UBQLN3: variants seen among roughly 807,000 people sequenced by gnomAD.
UBQLN3 encodes ubiquilin-3.
Under a neutral mutation model 2.9 loss-of-function variants are expected in UBQLN3, and 1 was observed. The ratio of observed to expected loss-of-function variants is 0.35; its 90% CI spans 0.12 to 1.66. The LOEUF (loss-of-function observed/expected upper bound fraction) is 1.66. Among genes scored for constraint, UBQLN3 ranks in the 40% most tolerant of loss-of-function variants. The probability of loss-of-function intolerance (pLI) is 0.35; values close to 1 mark genes in which losing one functional copy is unlikely to be tolerated. For missense variants in UBQLN3, 924 were observed against 816.5 expected (o/e 1.13, Z -1.61); for synonymous variants, 358 against 317.6 (o/e 1.13, Z -1.35).
rs998972912 is a variant in UBQLN3, at chr11:5,508,406, G to A, written c.1153C>T (p.Pro385Ser). ...CCTGACCCAGGCTCCTGAGATGAGG[G>A]TGACGATGGGGGAACTCTGTTTACT... is the stretch of plus-strand genomic sequence containing the variant. ...PSVNRVPPSS[P>S]SSQEPGSGQP... is the part of the protein sequence containing the mutation. Residue 385 changes from proline (P) to serine (S), a missense_variant, in exon 2 of 2, where the codon CCC (proline) becomes TCC (serine). Physicochemically the swap from Pro to Ser is moderately conservative, Grantham distance 74. Transcript: ENST00000311659. The surrounding 1 kb of genome is among the most constrained non-coding windows in gnomAD (Gnocchi z 4.2). The A allele has an allele frequency of 1.8e-5, 29 of 1,601,942 alleles. No individual in the cohort carries two copies. Among genetic ancestry groups the A allele is most frequent in the South Asian group, 2.3e-5 (2 of 88,850 alleles).
chr11:5,507,428 T>A lies in UBQLN3; in HGVS notation c.*163A>T. 1.4e-6 allele frequency: 2 copies of A among 1,391,888 alleles called. No homozygotes were observed. The highest frequency in any genetic ancestry group is 1.9e-6 in the Non-Finnish European group (2 of 1,059,528). The allele number at this position is 1,391,888 out of a possible 1,614,324, so 86.2% of individuals were successfully genotyped here. A position where few individuals can be genotyped will look rare whatever the true frequency, so the allele number is the denominator to read the frequency against. ...CAGCACCTCCACTATGTTTTGGCCATTAGTCTTCCTCGTTGACTCTGGAAC... is the reference window on the plus strand; with the variant it reads ...CAGCACCTCCACTATGTTTTGGCCAATAGTCTTCCTCGTTGACTCTGGAAC... On this transcript the variant is annotated 3_prime_UTR_variant, in exon 2 of 2. Coordinates refer to ENST00000311659, the MANE Select transcript of UBQLN3 (RefSeq NM_017481.4).
In UBQLN3 at chr11:5,509,043, A is replaced by G; in HGVS notation, c.516T>C (p.Ile172=). ...VSVPEFVTQL[I]DDPFIPGLLS... is the part of the protein sequence containing the mutation. ...GCAGACCCGGGATGAAGGGGTCATC[A>G]ATGAGCTGAGTCACAAACTCAGGCA... The change falls in exon 2 of 2, where the codon ATT becomes ATC. Residue 172 remains isoleucine, a synonymous_variant. Coordinates refer to ENST00000311659, the MANE Select transcript of UBQLN3 (RefSeq NM_017481.4). 1.2e-6 allele frequency: 2 copies of G among 1,614,150 alleles called. No homozygotes were observed. Among genetic ancestry groups the G allele is most frequent in the Non-Finnish European group, 1.7e-6 (2 of 1,180,002 alleles).
Position 5,507,981 on chromosome 11 carries a change from C to A in UBQLN3, c.1578G>T (p.Gln526His). The A allele has an allele frequency of 6.2e-7, 1 of 1,614,066 alleles. No individual in the cohort carries two copies. Among genetic ancestry groups the A allele is most frequent in the Non-Finnish European group, 8.5e-7 (1 of 1,180,044 alleles). ...ANPRALQALR[Q>H]IEQGLQVLAT... is the part of the protein sequence containing the mutation. ...CTAGGACCTGTAGACCCTGCTCAATCTGCCGCAGGGCTTGCAGGGCACGGG... is the reference window on the plus strand; with the variant it reads ...CTAGGACCTGTAGACCCTGCTCAATATGCCGCAGGGCTTGCAGGGCACGGG... Residue 526 changes from glutamine (Q) to histidine (H), a missense_variant, in exon 2 of 2, where the codon CAG becomes CAT. Coordinates refer to ENST00000311659, the MANE Select transcript of UBQLN3 (RefSeq NM_017481.4).
chr11:5,508,515 T>C lies in UBQLN3; in HGVS notation c.1044A>G (p.Gln348=), dbSNP rs1846420409. 1.9e-6 allele frequency: 3 copies of C among 1,614,006 alleles called. No individual in the cohort carries two copies. The African/African-American group carries it at 4.0e-5, about 22-fold the overall frequency. Residue 348 remains glutamine (Q), a synonymous_variant, in exon 2 of 2, where the codon CAA becomes CAG. Coordinates refer to ENST00000311659, the MANE Select transcript of UBQLN3 (RefSeq NM_017481.4). This position sits in a 1 kb window ranked among gnomAD's most constrained non-coding sequence, Gnocchi z 4.2. ...GIIRLYDYLQ[Q]LHENPQSLGT... is the part of the protein sequence containing the mutation. ...CTAGGGACTGGGGGTTCTCGTGTAATTGCTGGAGATAGTCATAGAGCCTTA... is the reference window on the plus strand; with the variant it reads ...CTAGGGACTGGGGGTTCTCGTGTAACTGCTGGAGATAGTCATAGAGCCTTA...
chr11:5,508,197 C>T lies in UBQLN3; in HGVS notation c.1362G>A (p.Arg454=). The change falls in exon 2 of 2, where the codon AGG becomes AGA. Residue 454 remains arginine (R), a synonymous_variant. Coordinates refer to ENST00000311659, the MANE Select transcript of UBQLN3 (RefSeq NM_017481.4). This position sits in a 1 kb window ranked among gnomAD's most constrained non-coding sequence, Gnocchi z 4.2. ...AAAAAGATAAGGGAGCAAATGGAAC[C>T]CTGTTGGCAGAATCTCCCAGCCCCG... is the stretch of plus-strand genomic sequence containing the variant. The part of the protein sequence containing the change: ...LVSGLGDSAN[R]VPFAPLSFSP... 6.2e-7 allele frequency: 1 copy of T among 1,614,174 alleles called. No individual in the cohort carries two copies.
chr11:5,509,536 AGGGC>A lies in UBQLN3; in HGVS notation c.19_22del (p.Ala7CysfsTer17). 1 of 1,613,762 alleles carries A rather than the reference AGGGC, an allele frequency of 6.2e-7. No individual in the cohort carries two copies. Among genetic ancestry groups the A allele is most frequent in the East Asian group, 2.2e-5 (1 of 44,868 alleles). On this transcript the variant is annotated frameshift_variant, in exon 2 of 2. Coordinates refer to ENST00000311659, the MANE Select transcript of UBQLN3 (RefSeq NM_017481.4). LOFTEE classifies it low-confidence loss of function (END_TRUNC). ...GACTGGTGCTGGGCTGCCCTGTGGC[AGGGC>A]TTCTCCACCTTTGGCCATGGTGGCA...
chr11:5,509,230 T>C lies in UBQLN3; in HGVS notation c.329A>G (p.Gln110Arg), dbSNP rs749292975. 5.0e-6 allele frequency: 8 copies of C among 1,614,004 alleles called. No individual in the cohort carries two copies. The highest frequency in any genetic ancestry group is 2.7e-5 in the African/African-American group (2 of 74,920). Residue 110 changes from glutamine to arginine, a missense_variant, in exon 2 of 2, where the codon CAG becomes CGG. Transcript: ENST00000311659. Reference protein sequence around the residue: ...NECPAASVPTQGPSPGSLPQP... With the variant: ...NECPAASVPTRGPSPGSLPQP... ...AGGGAGTGATCCAGGACTTGGGCCC[T>C]GGGTAGGGACAGAGGCAGCTGGGCA... is the stretch of plus-strand genomic sequence containing the variant.
In UBQLN3 at chr11:5,508,143, A is replaced by T; in HGVS notation, c.1416T>A (p.Pro472=). The T allele has an allele frequency of 6.2e-7, 1 of 1,614,200 alleles. No homozygotes were observed. Among genetic ancestry groups the T allele is most frequent in the Non-Finnish European group, 8.5e-7 (1 of 1,180,028 alleles). ...CCGGGGATGGCAGCCAGGGAGGCTCAGGGATTCCAGGAATGGCTGCCGTGG... is the reference window on the plus strand; with the variant it reads ...CCGGGGATGGCAGCCAGGGAGGCTCTGGGATTCCAGGAATGGCTGCCGTGG... The part of the protein sequence containing the change: ...FSPTAAIPGI[P]EPPWLPSPAY... The change falls in exon 2 of 2, where the codon CCT becomes CCA. Residue 472 remains proline, a synonymous_variant. Coordinates refer to ENST00000311659, the MANE Select transcript of UBQLN3 (RefSeq NM_017481.4). This position sits in a 1 kb window ranked among gnomAD's most constrained non-coding sequence, Gnocchi z 4.2.
Position 5,507,674 on chromosome 11 carries a change from G to T in UBQLN3, c.1885C>A (p.Leu629Met). 6.2e-7 allele frequency: 1 copy of T among 1,614,130 alleles called. No homozygotes were observed. The highest frequency in any genetic ancestry group is 8.5e-7 in the Non-Finnish European group (1 of 1,180,036). Residue 629 changes from leucine to methionine, a missense_variant, in exon 2 of 2, where the codon CTG becomes ATG. Physicochemically the swap from Leu to Met is conservative, Grantham distance 15 (BLOSUM62 2). Transcript: ENST00000311659. ...QLEQLRSMGF[L>M]NREANLQALI... ...GCCTGAAGATTGGCTTCACGATTCAGAAAGCCCATGGACCGCAGTTGCTCC... is the reference window on the plus strand; with the variant it reads ...GCCTGAAGATTGGCTTCACGATTCATAAAGCCCATGGACCGCAGTTGCTCC...
rs1846430370 is a variant in UBQLN3, at chr11:5,508,933, T to C, written c.626A>G (p.His209Arg). 2.5e-6 allele frequency: 4 copies of C among 1,614,092 alleles called. No individual in the cohort carries two copies. In the African/African-American group the frequency reaches 5.3e-5, roughly 22 times the overall value. Residue 209 changes from histidine to arginine, a missense_variant, in exon 2 of 2, where the codon CAT (histidine) becomes CGT (arginine). Transcript: ENST00000311659. The surrounding 1 kb of genome is among the most constrained non-coding windows in gnomAD (Gnocchi z 4.2). ...QLIQHNPEIG[H>R]ILNNPEIMRQ... is the part of the protein sequence containing the mutation. ...CATAATTTCCGGGTTGTTAAGAATA[T>C]GCCCAATCTCAGGGTTGTGCTGGAT... is the stretch of plus-strand genomic sequence containing the variant.
In UBQLN3 at chr11:5,507,872, C is replaced by G; in HGVS notation, c.1687G>C (p.Glu563Gln). The G allele has an allele frequency of 6.2e-7, 1 of 1,613,832 alleles. No individual in the cohort carries two copies. Among genetic ancestry groups the G allele is most frequent in the South Asian group, 1.1e-5 (1 of 91,086 alleles). Reference sequence around the variant, plus strand: ...GGATCCTCAGACATAAGGGGATCTTCTCTAGACTCTATACCTCCTGCCACA... The same window carrying G: ...GGATCCTCAGACATAAGGGGATCTTGTCTAGACTCTATACCTCCTGCCACA... ...GSVAGGIESR[E>Q]DPLMSEDPLP... The change falls in exon 2 of 2, where the codon GAA (glutamate) becomes CAA (glutamine). Residue 563 changes from glutamate (E) to glutamine (Q), a missense_variant. By Grantham distance (29) the Glu-to-Gln change is conservative (BLOSUM62 2). Coordinates refer to ENST00000311659, the MANE Select transcript of UBQLN3 (RefSeq NM_017481.4).
chr11:5,509,778 T>C (rs867381602), intron 1 of UBQLN3, 96 bp downstream of exon 1: 10 of 716,538 alleles, frequency 1.4e-5, no homozygotes, highest in Middle Eastern at 8.3e-4. Flanking sequence ...TATGTTGGAA[T>C]CAGGGGAGGG....
At position 5,509,233 on chromosome 11, in the gene UBQLN3, G is replaced by C; in HGVS notation, c.326C>G (p.Thr109Ser). ...GAGTGATCCAGGACTTGGGCCCTGG[G>C]TAGGGACAGAGGCAGCTGGGCACTC... ...GNECPAASVP[T>S]QGPSPGSLPQ... The change falls in exon 2 of 2, where the codon ACC becomes AGC. Residue 109 changes from threonine (T) to serine (S), a missense_variant. Thr to Ser is a moderately conservative substitution (Grantham distance 58). Transcript: ENST00000311659. The C allele has an allele frequency of 6.2e-7, 1 of 1,614,180 alleles. No homozygotes were observed. Among genetic ancestry groups the C allele is most frequent in the East Asian group, 2.2e-5 (1 of 44,860 alleles).
Position 5,508,690 on chromosome 11 carries a change from G to C in UBQLN3, c.869C>G (p.Thr290Ser), listed in dbSNP as rs2234451. ...TATTDNATTT[T>S]SQPSRMENCD... ...ATTCTCCATCCTTGAAGGTTGGCTGGTGGTGGTGGTGGCATTATCAGTAGT... is the reference window on the plus strand; with the variant it reads ...ATTCTCCATCCTTGAAGGTTGGCTGCTGGTGGTGGTGGCATTATCAGTAGT... The change falls in exon 2 of 2, where the codon ACC becomes AGC. Residue 290 changes from threonine to serine, a missense_variant. Coordinates refer to ENST00000311659, the MANE Select transcript of UBQLN3 (RefSeq NM_017481.4). The surrounding 1 kb of genome is among the most constrained non-coding windows in gnomAD (Gnocchi z 4.2). 0.053 allele frequency: 86,188 copies of C among 1,612,702 alleles called. 4,865 individuals carry two copies. Among genetic ancestry groups the C allele is most frequent in the East Asian group, 0.24 (10,934 of 44,820 alleles).
At position 5,509,142 on chromosome 11, in the gene UBQLN3, G is replaced by A; in HGVS notation, c.417C>T (p.Gly139=). The change falls in exon 2 of 2, where the codon GGC becomes GGT. Residue 139 remains glycine, a synonymous_variant. Transcript: ENST00000311659. ...GATAGGCCAAGCCCAGCCTACTGAGGCCTGTGAGGAGACCTAAGCTAAAGG... is the reference window on the plus strand; with the variant it reads ...GATAGGCCAAGCCCAGCCTACTGAGACCTGTGAGGAGACCTAAGCTAAAGG... ...PPAFSLGLLT[G]LSRLGLAYRG... The A allele has an allele frequency of 1.9e-6, 3 of 1,614,154 alleles. No homozygotes were observed. Among genetic ancestry groups the A allele is most frequent in the Non-Finnish European group, 2.5e-6 (3 of 1,180,024 alleles).
At position 5,507,826 on chromosome 11, in the gene UBQLN3, T is replaced by C; in HGVS notation, c.1733A>G (p.Glu578Gly). The C allele has an allele frequency of 6.2e-7, 1 of 1,613,940 alleles. No individual in the cohort carries two copies. The change falls in exon 2 of 2, where the codon GAG (glutamate) becomes GGG (glycine). Residue 578 changes from glutamate to glycine, a missense_variant. Transcript: ENST00000311659. ...TGCAGAGTCCAGTGCTGGGAACACCTCAGGAGGTGGATTTGGGAGAGGATC... is the reference window on the plus strand; with the variant it reads ...TGCAGAGTCCAGTGCTGGGAACACCCCAGGAGGTGGATTTGGGAGAGGATC... ...SEDPLPNPPP[E>G]VFPALDSAEL...
chr11:5,509,055 C>A lies in UBQLN3; in HGVS notation c.504G>T (p.Val168=), dbSNP rs768737500. Residue 168 remains valine (V), a synonymous_variant, in exon 2 of 2, where the codon GTG becomes GTT. Coordinates refer to ENST00000311659, the MANE Select transcript of UBQLN3 (RefSeq NM_017481.4). ...MRQHVSVPEF[V]TQLIDDPFIP... ...TGAAGGGGTCATCAATGAGCTGAGT[C>A]ACAAACTCAGGCACAGACACATGCT... The A allele has an allele frequency of 1.9e-6, 3 of 1,614,044 alleles. No individual in the cohort carries two copies. In the African/African-American group the frequency reaches 4.0e-5, roughly 22 times the overall value.
chr11:5,508,051 G>T lies in UBQLN3; in HGVS notation c.1508C>A (p.Pro503Gln). 6.2e-7 allele frequency: 1 copy of T among 1,613,992 alleles called. No homozygotes were observed. The part of the protein sequence containing the change: ...PAPQLQDEIQ[P>Q]QLPLLMHLQA... Reference sequence around the variant, plus strand: ...AAGGTGCATCAGCAGTGGCAGCTGTGGTTGTATCTCATCCTGTAACTGTGG... The same window carrying T: ...AAGGTGCATCAGCAGTGGCAGCTGTTGTTGTATCTCATCCTGTAACTGTGG... Residue 503 changes from proline to glutamine, a missense_variant, in exon 2 of 2, where the codon CCA (proline) becomes CAA (glutamine). Transcript: ENST00000311659. This position sits in a 1 kb window ranked among gnomAD's most constrained non-coding sequence, Gnocchi z 4.2.
chr11:5,507,373 G>C lies in UBQLN3; in HGVS notation c.*218C>G. 1 of 906,112 alleles carries C rather than the reference G, an allele frequency of 1.1e-6. No homozygotes were observed. The highest frequency in any genetic ancestry group is 1.6e-6 in the Non-Finnish European group (1 of 643,322). 56.1% of individuals were successfully genotyped at this position (906,112 alleles called of 1,614,324 possible). On this transcript the variant is annotated 3_prime_UTR_variant, in exon 2 of 2. Coordinates refer to ENST00000311659, the MANE Select transcript of UBQLN3 (RefSeq NM_017481.4). ...GAGCTTAGACTGGGGCCCCCCAGTG[G>C]TATAGTGGTACAAGTGGTTGACTCA...
Sources: gnomAD v4.1 joint callset for allele counts on GRCh38, gnomAD v4.1.1 for gene constraint, Gnocchi (gnomAD v3.1) non-coding constraint, MANE v1.5 for transcripts, NCBI Gene and HGNC (gene_info 2026-07-23, HGNC 2026-07-21) for gene names.